The following IL27RA variants were observed in gnomAD, a reference collection of about 807,000 sequenced individuals.
IL27RA encodes interleukin 27 receptor subunit alpha.
In IL27RA, 61 loss-of-function variants were observed where a neutral mutation model predicts 80.8. That is an observed-to-expected ratio of 0.76 (90% CI 0.61 to 0.93). The LOEUF is 0.93. Ranked by LOEUF, IL27RA falls within the 40% of genes least tolerant of loss-of-function variation. The probability of loss-of-function intolerance (pLI) is 0.00; values close to 1 mark genes in which losing one functional copy is unlikely to be tolerated. For missense variants in IL27RA, 735 were observed against 808.1 expected, an observed-to-expected ratio of 0.91 and a Z score of 1.10; for synonymous variants, 316 against 332.5, an observed-to-expected ratio of 0.95 and a Z score of 0.54.
chr19:14,044,982 G>A lies in IL27RA; in HGVS notation c.769-1172G>A, dbSNP rs966858394. ...TCTACTAAAAATACACAAATTAGCCGGGCGTGGTGGCAGGCACCTGTAATC... is the reference window on the plus strand; with the variant it reads ...TCTACTAAAAATACACAAATTAGCCAGGCGTGGTGGCAGGCACCTGTAATC... On this transcript the variant is annotated intron_variant, in intron 6 of 13. Coordinates refer to ENST00000263379, the MANE Select transcript of IL27RA (RefSeq NM_004843.4). Among the ~76,000 whole-genome samples, 10 of 151,612 alleles carry A rather than the reference G, an allele frequency of 6.6e-5. No individual in the cohort carries two copies. The South Asian group carries it at 8.3e-4, about 13-fold the overall frequency.
At chr19:14,049,785 G>C (rs990231981) in intron 10 of IL27RA, among the ~76,000 whole-genome samples, 2 of 151,564 alleles carry the variant, frequency 1.3e-5, no homozygotes, top group African/African-American at 4.8e-5. Context: ...TCACCATGTT[G>C]GTCAGACTGA....
chr19:14,039,211 C>A (rs1175687629), intron 2 of IL27RA, among the ~76,000 whole-genome samples: 2 of 150,578 alleles, frequency 1.3e-5, no homozygotes, highest in African/African-American at 4.9e-5. Flanking sequence ...CACTTGAACC[C>A]AGGAGGCAGA....
In IL27RA at chr19:14,042,740, G is replaced by A. The variant is rs1458102315; in HGVS notation, c.719G>A (p.Gly240Glu). The A allele has an allele frequency of 1.2e-6, 2 of 1,614,004 alleles. No individual in the cohort carries two copies. Among genetic ancestry groups the A allele is most frequent in the Non-Finnish European group, 1.7e-6 (2 of 1,180,032 alleles). Reference sequence around the variant, plus strand: ...GCTCCAAAAGATGTGTGGGTATCAGGGAACCTCTGTGGGACGCCTGGAGGA... The same window carrying A: ...GCTCCAAAAGATGTGTGGGTATCAGAGAACCTCTGTGGGACGCCTGGAGGA... ...PSAPKDVWVS[G>E]NLCGTPGGEE... is the part of the protein sequence containing the mutation. The change falls in exon 6 of 14, where the codon GGG becomes GAG. Residue 240 changes from glycine (G) to glutamate (E), a missense_variant. Coordinates refer to ENST00000263379, the MANE Select transcript of IL27RA (RefSeq NM_004843.4).
chr19:14,051,635 G>T lies in IL27RA; in HGVS notation c.1557G>T (p.Pro519=), dbSNP rs376443089. ...ACACCCTGAGGTGGAAAGTTCTGCC[G>T]GGCATCCTATTCTTGTGGGGCTTGT... ...PDNTLRWKVL[P]GILFLWGLFL... Residue 519 remains proline, a synonymous_variant, in exon 12 of 14, where the codon CCG becomes CCT. Transcript: ENST00000263379. The T allele has an allele frequency of 2.5e-6, 4 of 1,612,224 alleles. No homozygotes were observed. The South Asian group carries it at 4.4e-5, about 18-fold the overall frequency.
rs1296887902 is a variant in IL27RA at position 14,032,454 on chromosome 19, C to T, written c.169C>T (p.Leu57Phe). 5.6e-6 allele frequency: 9 copies of T among 1,613,732 alleles called. No homozygotes were observed. The South Asian group carries it at 8.8e-5, about 16-fold the overall frequency. The change falls in exon 2 of 14, where the codon CTT becomes TTT. Residue 57 changes from leucine to phenylalanine, a missense_variant. By Grantham distance (22) the Leu-to-Phe change is conservative (BLOSUM62 0). Coordinates refer to ENST00000263379, the MANE Select transcript of IL27RA (RefSeq NM_004843.4). ...LGDLNCSWEP[L>F]GDLGAPSELH... is the part of the protein sequence containing the mutation. ...CGACTTGAACTGCTCGTGGGAGCCTCTTGGGGACCTGGGAGCCCCCTCCGA... is the reference window on the plus strand; with the variant it reads ...CGACTTGAACTGCTCGTGGGAGCCTTTTGGGGACCTGGGAGCCCCCTCCGA...
chr19:14,033,093 CTTTTTTTTTT>C (rs1010935225), intron 2 of IL27RA, among the ~76,000 whole-genome samples: 1 of 117,210 alleles, frequency 8.5e-6, no homozygotes, highest in Non-Finnish European at 1.7e-5. Flanking sequence ...GAGCCCGTCA[CTTTTTTTTTT>C]TTTTTTTTTT....
In IL27RA at chr19:14,051,611, C is replaced by T. The variant is rs770215677; in HGVS notation, c.1533C>T (p.Asn511=). 3 of 1,595,626 alleles carry T rather than the reference C, an allele frequency of 1.9e-6. No individual in the cohort carries two copies. Among genetic ancestry groups the T allele is most frequent in the South Asian group, 1.1e-5 (1 of 89,850 alleles). The part of the protein sequence containing the change: ...GPILRLHLPD[N]TLRWKVLPGI... ...ATCTCTTCCCTACCCTACCAGATAACACCCTGAGGTGGAAAGTTCTGCCGG... is the reference window on the plus strand; with the variant it reads ...ATCTCTTCCCTACCCTACCAGATAATACCCTGAGGTGGAAAGTTCTGCCGG... The change falls in exon 12 of 14, where the codon AAC becomes AAT. Residue 511 remains asparagine, a synonymous_variant. Transcript: ENST00000263379.
chr19:14,050,511 CAAAAAAAAAA>C lies in IL27RA; in HGVS notation c.1403-237_1403-228del, dbSNP rs34034204. On this transcript the variant is annotated intron_variant, in intron 10 of 13. Transcript: ENST00000263379. ...AGTGTTACAGAGCGAGACTTCATGT[CAAAAAAAAAA>C]AAAAAAAAAGAGAATCAAACAAGGA... 3.4e-3 allele frequency among the ~76,000 whole-genome samples: 335 copies of C among 99,950 alleles called. 3 individuals carry two copies. Among genetic ancestry groups the C allele is most frequent in the African/African-American group, 0.011 (317 of 28,756 alleles). 65.6% of individuals were successfully genotyped at this position (99,950 alleles called of 152,430 possible).
chr19:14,035,448 T>C (rs985270102), intron 2 of IL27RA, among the ~76,000 whole-genome samples: 5 of 152,016 alleles, frequency 3.3e-5, no homozygotes, highest in African/African-American at 9.7e-5. Context: ...CAGGCTGGAG[T>C]GCAATGGCGC....
Position 14,042,442 on chromosome 19 carries a change from C to T in IL27RA, c.535-11C>T. The T allele has an allele frequency of 6.2e-7, 1 of 1,612,910 alleles. No homozygotes were observed. Among genetic ancestry groups the T allele is most frequent in the Non-Finnish European group, 8.5e-7 (1 of 1,179,168 alleles). ...CCCTGGGCCCATCACGCTCGCCTGTCTCTCCCCCAGCTGGAACCGGAGCTG... is the reference window on the plus strand; with the variant it reads ...CCCTGGGCCCATCACGCTCGCCTGTTTCTCCCCCAGCTGGAACCGGAGCTG... On this transcript the variant is annotated splice_polypyrimidine_tract_variant and intron_variant, in intron 4 of 13. Transcript: ENST00000263379.
chr19:14,043,175 A>T (rs1240132178), intron 6 of IL27RA, among the ~76,000 whole-genome samples: 1 of 151,970 alleles, frequency 6.6e-6, no homozygotes. Flanking sequence ...CCAATGACAT[A>T]AACAAGACAG....
chr19:14,050,015 C>G (rs139965986), intron 10 of IL27RA, among the ~76,000 whole-genome samples: 1 of 151,496 alleles, frequency 6.6e-6, no homozygotes. Flanking sequence ...ATGGTGAAAC[C>G]TCATCTCTAC....
rs1258529697 is a variant in IL27RA, at chr19:14,046,277, G to T, written c.892G>T (p.Val298Leu). 1.2e-6 allele frequency: 2 copies of T among 1,614,028 alleles called. No homozygotes were observed. Among genetic ancestry groups the T allele is most frequent in the East Asian group, 4.5e-5 (2 of 44,896 alleles). ...LIPSGAEWARVSAVNATSWEP... is the reference protein window; with the variant it reads ...LIPSGAEWARLSAVNATSWEP... ...TCCCAGTGGGGCGGAGTGGGCCAGG[G>T]TGTCCGCTGTCAACGCCACAAGCTG... is the stretch of plus-strand genomic sequence containing the variant. Residue 298 changes from valine to leucine, a missense_variant, in exon 7 of 14, where the codon GTG becomes TTG. Physicochemically the swap from Val to Leu is conservative, Grantham distance 32. Coordinates refer to ENST00000263379, the MANE Select transcript of IL27RA (RefSeq NM_004843.4).
At chr19:14,041,692 T>C (rs1012515112) in intron 4 of IL27RA, among the ~76,000 whole-genome samples, 4 of 152,218 alleles carry the variant, frequency 2.6e-5, no homozygotes, top group Admixed American at 2.6e-4. Context: ...TGCTCGGGAC[T>C]GTGGCAATTT....
intron 10 of IL27RA, 35 bp downstream of exon 10, chr19:14,049,349 C>A (rs751194175): frequency 6.3e-7 from 1 of 1,582,582 alleles, no homozygotes. Context: ...GTCCTCCCAG[C>A]CCCCACAAGA....
At chr19:14,045,608 A>G (rs1334329115) in intron 6 of IL27RA, among the ~76,000 whole-genome samples, 11 of 151,576 alleles carry the variant, frequency 7.3e-5, no homozygotes, top group Admixed American at 7.2e-4. Flanking sequence ...CTCAAAAAAA[A>G]AAAAAAAGTT....
At chr19:14,045,477 T>C (rs2145693219) in intron 6 of IL27RA, among the ~76,000 whole-genome samples, 1 of 150,856 alleles carries the variant, frequency 6.6e-6, no homozygotes, top group East Asian at 2.0e-4. Flanking sequence ...GGCAGGCGCC[T>C]GTAGTCCCAG....
rs150102707 is a variant in IL27RA, at chr19:14,042,486, C to A, written c.568C>A (p.Pro190Thr). The change falls in exon 5 of 14, where the codon CCT becomes ACT. Residue 190 changes from proline to threonine, a missense_variant. Transcript: ENST00000263379. ...GGAGCTGAAGACCATACCCCTGACC[C>A]CTGTTGAGATCCAAGATTTGGAGCT... is the stretch of plus-strand genomic sequence containing the variant. Reference protein sequence around the residue: ...EPELKTIPLTPVEIQDLELAT... With the variant: ...EPELKTIPLTTVEIQDLELAT... The A allele has an allele frequency of 2.5e-6, 4 of 1,614,178 alleles. No individual in the cohort carries two copies. In the African/African-American group the frequency reaches 5.3e-5, roughly 22 times the overall value.
intron 10 of IL27RA, among the ~76,000 whole-genome samples, 186 bp downstream of exon 10, chr19:14,049,500 T>G (rs1216828753): frequency 6.6e-6 from 1 of 152,180 alleles, no homozygotes; most frequent in East Asian, 1.9e-4. Flanking sequence ...TGCCAATCTA[T>G]ATTTATTGAC....
Sources: gnomAD v4.1 joint callset for allele counts (sites outside exome capture counted in the v4.1 genomes callset) on GRCh38, gnomAD v4.1.1 for gene constraint, MANE v1.5 for transcripts, NCBI Gene and HGNC (gene_info 2026-07-23, HGNC 2026-07-21) for gene names.